Variants in VWF observed in about 807,000 individuals in gnomAD.
The protein encoded by VWF is von Willebrand factor, also known as Factor VIII related antigen.
A neutral mutation model predicts 308.6 loss-of-function variants in VWF; 176 were observed. The observed-to-expected ratio is 0.57, with a 90% CI of 0.50 to 0.65. The LOEUF is 0.65. Among genes scored for constraint, VWF ranks in the 30% least tolerant of loss-of-function variants. The pLI is 0.00. For synonymous variants in VWF, 1,385 were observed against 1,443.4 expected, an observed-to-expected ratio of 0.96 and a Z score of 0.92; for missense variants, 3,146 against 3,648.2, an observed-to-expected ratio of 0.86 and a Z score of 3.55.
At chr12:6,069,827 C>A (rs1229447926) in intron 10 of VWF, among the ~76,000 whole-genome samples, 1 of 152,172 alleles carries the variant, frequency 6.6e-6, no homozygotes, top group African/African-American at 2.4e-5. Flanking sequence ...GAATTGAAGA[C>A]CAGAGGACTG....
At chr12:6,048,556 G>A (rs903622981) in intron 16 of VWF, among the ~76,000 whole-genome samples, 7 of 149,992 alleles carry the variant, frequency 4.7e-5, no homozygotes, top group African/African-American at 7.4e-5. Flanking sequence ...TCCACTTCCC[G>A]GGTTCAAGCA....
intron 5 of VWF, among the ~76,000 whole-genome samples, chr12:6,101,387 T>C (rs1378515099): frequency 6.6e-6 from 1 of 151,368 alleles, no homozygotes; most frequent in African/African-American, 2.4e-5. Context: ...AGCACAACAC[T>C]TGAGCCAAGC....
chr12:6,013,464 G>C lies in VWF; in HGVS notation c.5620+17C>G, dbSNP rs1417404506. On this transcript the variant is annotated intron_variant, in intron 32 of 51. Transcript: ENST00000261405. ...ACTTTTTTTTGAGGGAAGTAAGAAA[G>C]GTATTATAAGACTCACCAGAGCACA... is the stretch of plus-strand genomic sequence containing the variant. 11 of 1,613,978 alleles carry C rather than the reference G, an allele frequency of 6.8e-6. No homozygotes were observed. Among genetic ancestry groups the C allele is most frequent in the Non-Finnish European group, 5.9e-6 (7 of 1,179,996 alleles).
chr12:5,961,841 T>C (rs529707641), intron 47 of VWF, among the ~76,000 whole-genome samples: 11 of 152,106 alleles, frequency 7.2e-5, no homozygotes, highest in African/African-American at 2.6e-4. Flanking sequence ...TGTGAATGTG[T>C]GTGTCCCTAC....
At chr12:6,103,378 G>A (rs979748610) in intron 5 of VWF, among the ~76,000 whole-genome samples, 42 of 132,224 alleles carry the variant, frequency 3.2e-4, no homozygotes, top group Admixed American at 1.0e-3. Flanking sequence ...GTGTGTGTGT[G>A]TATACACGTG....
chr12:6,074,685 T>A (rs927971218), intron 7 of VWF, among the ~76,000 whole-genome samples: 3 of 152,088 alleles, frequency 2.0e-5, no homozygotes, highest in Non-Finnish European at 4.4e-5. Flanking sequence ...AGACTGCTTA[T>A]CCGTCTGCAT....
chr12:5,992,123 G>T, intron 37 of VWF, 105 bp from the exon 38 acceptor site: 1 of 1,110,750 alleles, frequency 9.0e-7, no homozygotes, highest in Non-Finnish European at 1.3e-6. Context: ...TGCCAGGGCA[G>T]AGACGGCTAT....
chr12:5,970,758 G>A (rs367590176), intron 44 of VWF, among the ~76,000 whole-genome samples: 15 of 152,186 alleles, frequency 9.9e-5, no homozygotes, highest in East Asian at 1.9e-4. Context: ...CCTTCCTCTC[G>A]AAGGGAAGCG....
At chr12:6,102,679 G>T (rs1416766465) in intron 5 of VWF, among the ~76,000 whole-genome samples, 1 of 151,840 alleles carries the variant, frequency 6.6e-6, no homozygotes, top group Admixed American at 6.6e-5. Context: ...ACCTTGCAGT[G>T]AGCCGAGATT....
intron 43 of VWF, among the ~76,000 whole-genome samples, chr12:5,974,350 A>G (rs1417691335): frequency 6.6e-6 from 1 of 152,080 alleles, no homozygotes; most frequent in African/African-American, 2.4e-5. Context: ...AGGGCACTCG[A>G]TTCCCTAGAG....
chr12:6,011,666 C>T lies in VWF; in HGVS notation c.5793G>A (p.Gln1931=), dbSNP rs574811308. The T allele has an allele frequency of 6.4e-5, 104 of 1,613,494 alleles. No individual in the cohort carries two copies. The Admixed American group carries it at 1.7e-3, about 27-fold the overall frequency. ...AGGTCTCTTCCACTTTAACAGGGGACTGGCTGTTAGGGCACGAAGGCCTCA... is the reference window on the plus strand; with the variant it reads ...AGGTCTCTTCCACTTTAACAGGGGATTGGCTGTTAGGGCACGAAGGCCTCA... ...RGLRPSCPNS[Q]SPVKVEETCG... The change falls in exon 34 of 52, where the codon CAG becomes CAA. Residue 1931 remains glutamine (Q), a synonymous_variant. Coordinates refer to ENST00000261405, the MANE Select transcript of VWF (RefSeq NM_000552.5).
intron 10 of VWF, 142 bp from the exon 11 acceptor site, chr12:6,065,415 G>T: frequency 8.8e-7 from 1 of 1,132,182 alleles, no homozygotes; most frequent in Non-Finnish European, 1.3e-6. Context: ...CTAAAAACAA[G>T]TTCTACGAGA....
At chr12:5,987,543 A>G (rs545183795) in intron 38 of VWF, among the ~76,000 whole-genome samples, 1 of 152,290 alleles carries the variant, frequency 6.6e-6, no homozygotes, top group East Asian at 1.9e-4. Context: ...GTCTGAACAC[A>G]CCATCCTAGC....
In VWF at chr12:6,058,047, G is replaced by T. The variant is rs61754009; in HGVS notation, c.1534-3C>A. 2.5e-6 allele frequency: 4 copies of T among 1,612,924 alleles called. No homozygotes were observed. Among genetic ancestry groups the T allele is most frequent in the Non-Finnish European group, 3.4e-6 (4 of 1,180,036 alleles). The stretch of plus-strand genomic sequence containing the variant: ...TTCCCGGCATAGACGGGGGACAGCT[G>T]CAGGAGAGACCAGGCCACTCTGGAG... On this transcript the variant is annotated splice_region_variant and splice_polypyrimidine_tract_variant and intron_variant, in intron 13 of 51. Transcript: ENST00000261405. This position sits in a 1 kb window ranked among gnomAD's most constrained non-coding sequence, Gnocchi z 4.9.
rs780347330 is a variant in VWF at position 6,016,506 on chromosome 12, C to A, written c.5311+10G>T. 2 of 1,613,404 alleles carry A rather than the reference C, an allele frequency of 1.2e-6. No individual in the cohort carries two copies. Among genetic ancestry groups the A allele is most frequent in the Non-Finnish European group, 1.7e-6 (2 of 1,179,882 alleles). ...CAGCTTCTGCATCCAGCCTGTGGCA[C>A]CAACGTTACCGATTTGGCTGGGGCC... On this transcript the variant is annotated intron_variant, in intron 30 of 51. Coordinates refer to ENST00000261405, the MANE Select transcript of VWF (RefSeq NM_000552.5).
In VWF at chr12:5,952,496, G is replaced by A. The variant is rs779909907; in HGVS notation, c.8010C>T (p.Gly2670=). 3.1e-6 allele frequency: 5 copies of A among 1,614,054 alleles called. No individual in the cohort carries two copies. Among genetic ancestry groups the A allele is most frequent in the Non-Finnish European group, 3.4e-6 (4 of 1,179,944 alleles). The change falls in exon 49 of 52, where the codon GGC becomes GGT. Residue 2670 remains glycine (G), a synonymous_variant. Coordinates refer to ENST00000261405, the MANE Select transcript of VWF (RefSeq NM_000552.5). The part of the protein sequence containing the change: ...TLKRDETLQD[G]CDTHFCKVNE... ...TGACCTTGCAGAAGTGAGTATCACAGCCATCCTGGAGCGTCTCATCACGCT... is the reference window on the plus strand; with the variant it reads ...TGACCTTGCAGAAGTGAGTATCACAACCATCCTGGAGCGTCTCATCACGCT...
intron 24 of VWF, among the ~76,000 whole-genome samples, chr12:6,025,240 A>G (rs576822889): frequency 9.9e-5 from 15 of 152,234 alleles, no homozygotes; most frequent in Non-Finnish European, 2.2e-4. Flanking sequence ...CAGCAGTGAC[A>G]GGAAAAGGAA....
At chr12:6,001,678 T>C (rs957108407) in intron 34 of VWF, among the ~76,000 whole-genome samples, 1 of 151,944 alleles carries the variant, frequency 6.6e-6, no homozygotes, top group African/African-American at 2.4e-5. Context: ...CAGAACCAGA[T>C]AGATAAAATG....
chr12:6,032,173 A>T (rs545456175), intron 20 of VWF, among the ~76,000 whole-genome samples: 1 of 152,300 alleles, frequency 6.6e-6, no homozygotes, highest in South Asian at 2.1e-4. Context: ...TGCCTCCCCC[A>T]TGGTGGCTAT....
Sources: gnomAD v4.1 joint callset for allele counts (sites outside exome capture counted in the v4.1 genomes callset) on GRCh38, gnomAD v4.1.1 for gene constraint, Gnocchi (gnomAD v3.1) non-coding constraint, MANE v1.5 for transcripts, NCBI Gene and HGNC (gene_info 2026-07-23, HGNC 2026-07-21) for gene names.